The following CAPN5 variants were observed in gnomAD, a reference collection of about 807,000 sequenced individuals.
The protein encoded by CAPN5 is calpain 5.
Under a neutral mutation model 73.0 loss-of-function variants are expected in CAPN5, and 54 were observed. The ratio of observed to expected loss-of-function variants is 0.74; its 90% CI spans 0.59 to 0.93. The LOEUF is 0.93. Among genes scored for constraint, CAPN5 ranks in the 40% least tolerant of loss-of-function variants. The probability of loss-of-function intolerance (pLI) is 0.00; values close to 1 mark genes in which losing one functional copy is unlikely to be tolerated. For missense variants in CAPN5, 785 were observed against 882.9 expected, an observed-to-expected ratio of 0.89 and a Z score of 1.41; for synonymous variants, 335 against 356.9, an observed-to-expected ratio of 0.94 and a Z score of 0.69.
chr11:77,112,846 C>T, intron 4 of CAPN5, 49 bp downstream of exon 4: 1 of 1,554,898 alleles, frequency 6.4e-7, no homozygotes, highest in Admixed American at 1.7e-5. Flanking sequence ...ACGGGGGTGG[C>T]ACCGGATGGG....
chr11:77,094,769 G>A (rs905002225), intron 3 of CAPN5, among the ~76,000 whole-genome samples: 2 of 152,232 alleles, frequency 1.3e-5, no homozygotes, highest in Admixed American at 6.5e-5. Flanking sequence ...GGAGTGGTGA[G>A]GATAGGACCA....
intron 3 of CAPN5, among the ~76,000 whole-genome samples, chr11:77,107,096 C>T (rs556905392): frequency 5.3e-5 from 8 of 152,298 alleles, no homozygotes; most frequent in Admixed American, 2.6e-4. Flanking sequence ...CCCTGGTCTC[C>T]GGTGGAGAGC....
chr11:77,109,971 G>T (rs531477202), intron 3 of CAPN5, among the ~76,000 whole-genome samples: 1 of 152,312 alleles, frequency 6.6e-6, no homozygotes, highest in African/African-American at 2.4e-5. Flanking sequence ...GCAGAAGGAG[G>T]GGGTGAAGGT....
rs781834566 is a variant in CAPN5, at chr11:77,093,789, C to G, written c.273C>G (p.Ala91=). The G allele has an allele frequency of 2.9e-5, 47 of 1,611,398 alleles. No individual in the cohort carries two copies. Among genetic ancestry groups the G allele is most frequent in the Non-Finnish European group, 3.7e-5 (44 of 1,179,988 alleles). The change falls in exon 3 of 13, where the codon GCC becomes GCG. Residue 91 remains alanine (A), a synonymous_variant. Coordinates refer to ENST00000648180, the MANE Select transcript of CAPN5 (RefSeq NM_004055.5). ...TTGTGGCAGCCTGCTCGTCACTTGC[C>G]TCCCGGGAGTCGCTGTGGCAAAAGG... ...CWFVAACSSL[A]SRESLWQKVI... is the part of the protein sequence containing the mutation.
Position 77,116,850 on chromosome 11 carries a change from G to A in CAPN5, c.971+547G>A, listed in dbSNP as rs370184257. On this transcript the variant is annotated intron_variant, in intron 7 of 12. Transcript: ENST00000648180. ...GGCCTTGGTGGGCAAGGAAGAGGACGTGGCTCAGAGGTGAGAGAACACAGC... is the reference window on the plus strand; with the variant it reads ...GGCCTTGGTGGGCAAGGAAGAGGACATGGCTCAGAGGTGAGAGAACACAGC... Among the ~76,000 whole-genome samples the A allele has an allele frequency of 2.2e-4, 33 of 152,354 alleles. 3 individuals carry two copies. The highest frequency in any genetic ancestry group is 7.0e-4 in the African/African-American group (29 of 41,582).
intron 3 of CAPN5, among the ~76,000 whole-genome samples, chr11:77,100,601 C>T (rs566527673): frequency 3.3e-5 from 5 of 152,128 alleles, no homozygotes; most frequent in Non-Finnish European, 7.4e-5. Flanking sequence ...ATAGGGGATC[C>T]TCCTTCCCAG....
At chr11:77,118,967 G>C in intron 8 of CAPN5, 63 bp from the exon 9 acceptor site, 1 of 1,552,854 alleles carries the variant, frequency 6.4e-7, no homozygotes, top group Non-Finnish European at 8.7e-7. Flanking sequence ...CCGGGAGCCA[G>C]CCAGCCCATG....
At chr11:77,079,011 T>A (rs1410906701) in intron 1 of CAPN5, among the ~76,000 whole-genome samples, 2 of 152,168 alleles carry the variant, frequency 1.3e-5, no homozygotes, top group African/African-American at 4.8e-5. Flanking sequence ...GATGATCATA[T>A]GTTTTTTGCC....
rs1555042144 is a variant in CAPN5, at chr11:77,118,371, C to T, written c.1167+19C>T. 4 of 1,543,792 alleles carry T rather than the reference C, an allele frequency of 2.6e-6. No homozygotes were observed. Among genetic ancestry groups the T allele is most frequent in the African/African-American group, 1.4e-5 (1 of 73,394 alleles). ...CCCACAGGTGGGCGTTCTCAGGAAC[C>T]CCCACCCTGCCCTGTAGCAGCTGCG... On this transcript the variant is annotated intron_variant, in intron 8 of 12. Coordinates refer to ENST00000648180, the MANE Select transcript of CAPN5 (RefSeq NM_004055.5).
chr11:77,106,655 G>A (rs184973517), intron 3 of CAPN5, among the ~76,000 whole-genome samples: 15 of 152,290 alleles, frequency 9.8e-5, no homozygotes, highest in African/African-American at 2.4e-4. Flanking sequence ...CCAAGTGCTC[G>A]AGCTTCCCGG....
At chr11:77,068,836 G>A (rs1352314886) in intron 1 of CAPN5, among the ~76,000 whole-genome samples, 14 of 152,178 alleles carry the variant, frequency 9.2e-5, no homozygotes, top group African/African-American at 3.1e-4. Context: ...GAAGGTAGGT[G>A]GGGCTGCCTC....
At chr11:77,092,011 G>A (rs1284445516) in intron 2 of CAPN5, among the ~76,000 whole-genome samples, 3 of 152,188 alleles carry the variant, frequency 2.0e-5, no homozygotes, top group African/African-American at 7.2e-5. Flanking sequence ...CTTGAGCTCA[G>A]GAGTTTGAGA....
chr11:77,097,475 T>TG lies in CAPN5; in HGVS notation c.297+3662_297+3663insG, dbSNP rs1565266487. On this transcript the variant is annotated intron_variant, in intron 3 of 12. Transcript: ENST00000648180. ...TGTGTTTCCTTCTAGTTTTTTTTTT[T>TG]TTTTTTTTTTTTTTATTGATAATTC... Among the ~76,000 whole-genome samples, 99 of 142,770 alleles carry TG rather than the reference T, an allele frequency of 6.9e-4. 1 individual carries two copies. Among genetic ancestry groups the TG allele is most frequent in the Non-Finnish European group, 1.7e-4 (11 of 65,690 alleles). 93.7% of individuals were successfully genotyped at this position (142,770 alleles called of 152,430 possible). A position where few individuals can be genotyped will look rare whatever the true frequency, so the allele number is the denominator to read the frequency against.
In CAPN5 at chr11:77,084,012, C is replaced by T. The variant is rs1363579579; in HGVS notation, c.-35-840C>T. On this transcript the variant is annotated intron_variant, in intron 1 of 12. Transcript: ENST00000648180. ...GGGACTGTGGAGCTGCACCGCAGCC[C>T]AGATGGAGTTTGAGGGATGGGGGCG... Among the ~76,000 whole-genome samples, 5 of 152,206 alleles carry T rather than the reference C, an allele frequency of 3.3e-5. No individual in the cohort carries two copies. The East Asian group carries it at 9.6e-4, about 29-fold the overall frequency.
intron 4 of CAPN5, among the ~76,000 whole-genome samples, chr11:77,113,816 C>T (rs1014974744): frequency 5.3e-5 from 8 of 151,990 alleles, no homozygotes; most frequent in African/African-American, 1.7e-4. Flanking sequence ...AAACATAATG[C>T]TTCTCATTTT....
intron 3 of CAPN5, among the ~76,000 whole-genome samples, chr11:77,104,846 G>A (rs1950326954): frequency 6.6e-6 from 1 of 152,230 alleles, no homozygotes; most frequent in Non-Finnish European, 1.5e-5. Flanking sequence ...CTGTGGCTGG[G>A]GCTGCCGGGA....
At chr11:77,081,979 C>A (rs61899964) in intron 1 of CAPN5, among the ~76,000 whole-genome samples, 97,205 of 151,440 alleles carry the variant, frequency 0.64, 31,267 homozygotes, top group Middle Eastern at 0.68. Flanking sequence ...CAACATAACT[C>A]CTCAATCCCT....
At chr11:77,116,071 G>T (rs1374499671) in intron 6 of CAPN5, among the ~76,000 whole-genome samples, 155 bp from the exon 7 acceptor site, 2 of 152,174 alleles carry the variant, frequency 1.3e-5, no homozygotes, top group African/African-American at 4.8e-5. Flanking sequence ...TTCCTGGAGA[G>T]GGGCTGGGCA....
At chr11:77,073,035 C>A (rs1949927305) in intron 1 of CAPN5, 6 of 1,273,046 alleles carry the variant, frequency 4.7e-6, no homozygotes, top group Non-Finnish European at 6.2e-6. Context: ...GCCCCCACCC[C>A]ACCCCGGGTG....
Sources: gnomAD v4.1 joint callset for allele counts (sites outside exome capture counted in the v4.1 genomes callset) on GRCh38, gnomAD v4.1.1 for gene constraint, MANE v1.5 for transcripts, NCBI Gene and HGNC (gene_info 2026-07-23, HGNC 2026-07-21) for gene names.